SCHIP1: variants seen among roughly 807,000 people sequenced by gnomAD.
The protein encoded by SCHIP1 is schwannomin-interacting protein 1.
In SCHIP1, 8 loss-of-function variants were observed where a neutral mutation model predicts 29.7. That is an observed-to-expected ratio of 0.27 (90% confidence interval 0.16 to 0.49). SCHIP1 has a LOEUF of 0.49. Among genes scored for constraint, SCHIP1 ranks in the 20% least tolerant of loss-of-function variants. The pLI, the probability that SCHIP1 is intolerant of heterozygous loss-of-function variation, is 0.99. For synonymous variants in SCHIP1, 76 were observed against 94.9 expected, an observed-to-expected ratio of 0.80 and a Z score of 1.16; for missense variants, 193 against 294.6, an observed-to-expected ratio of 0.66 and a Z score of 2.52.
chr3:159,738,416 T>A, the SCHIP1 span, among the ~76,000 whole-genome samples: 1 of 152,216 alleles, frequency 6.6e-6, no homozygotes, highest in African/African-American at 2.4e-5. Context: ...ATTGAAATAA[T>A]CCAGCATGAC....
At chr3:159,828,370 TATATAC>T in the SCHIP1 span, among the ~76,000 whole-genome samples, 4 of 108,348 alleles carry the variant, frequency 3.7e-5, no homozygotes, top group South Asian at 3.0e-4. Context: ...TTTATATATA[TATATAC>T]ATATATATAT....
At chr3:159,482,228 T>C in the SCHIP1 span, among the ~76,000 whole-genome samples, 1 of 152,186 alleles carries the variant, frequency 6.6e-6, no homozygotes, top group Non-Finnish European at 1.5e-5. Flanking sequence ...CAATGCTAAG[T>C]GTGCTTCTCC....
the SCHIP1 span, among the ~76,000 whole-genome samples, chr3:159,783,237 A>T: frequency 6.6e-6 from 1 of 152,228 alleles, no homozygotes; most frequent in African/African-American, 2.4e-5. Context: ...AACATCCAAG[A>T]TAAGTGATTC....
chr3:159,563,935 T>C, the SCHIP1 span, among the ~76,000 whole-genome samples: 1 of 152,208 alleles, frequency 6.6e-6, no homozygotes, highest in African/African-American at 2.4e-5. Flanking sequence ...TTTATGTATC[T>C]TCAATGGATT....
chr3:159,275,380 A>G, the SCHIP1 span, among the ~76,000 whole-genome samples: 1 of 152,168 alleles, frequency 6.6e-6, no homozygotes, highest in Non-Finnish European at 1.5e-5. Flanking sequence ...GCAGCCCCTG[A>G]TGAACTTTGA....
At chr3:159,343,965 T>A in the SCHIP1 span, among the ~76,000 whole-genome samples, 3 of 152,196 alleles carry the variant, frequency 2.0e-5, no homozygotes, top group Non-Finnish European at 4.4e-5. Flanking sequence ...TTTGGAGGAA[T>A]AACTCTAATA....
At chr3:159,507,734 T>A in the SCHIP1 span, among the ~76,000 whole-genome samples, 1 of 152,346 alleles carries the variant, frequency 6.6e-6, no homozygotes, top group East Asian at 1.9e-4. Context: ...TCATGTGGTT[T>A]TTGTCATTGG....
At chr3:159,508,954 G>A in the SCHIP1 span, among the ~76,000 whole-genome samples, 3 of 152,312 alleles carry the variant, frequency 2.0e-5, no homozygotes, top group Admixed American at 1.3e-4. Context: ...GTTGATTTGG[G>A]GTGGAGAGTT....
chr3:159,332,409 C>T, the SCHIP1 span, among the ~76,000 whole-genome samples: 1 of 152,168 alleles, frequency 6.6e-6, no homozygotes. Context: ...ATCCGTCTCC[C>T]AAGTCCATAT....
At chr3:159,661,297 A>G in the SCHIP1 span, among the ~76,000 whole-genome samples, 1 of 152,202 alleles carries the variant, frequency 6.6e-6, no homozygotes, top group African/African-American at 2.4e-5. Flanking sequence ...ATAATGTTTT[A>G]GAGGCATTTT....
the SCHIP1 span, among the ~76,000 whole-genome samples, chr3:159,478,142 C>T: frequency 1.3e-5 from 2 of 151,946 alleles, no homozygotes; most frequent in African/African-American, 2.4e-5. Flanking sequence ...AGGATGGTCT[C>T]GAAATCCTGA....
the SCHIP1 span, among the ~76,000 whole-genome samples, chr3:159,545,734 AT>A: frequency 2.0e-5 from 3 of 148,346 alleles, no homozygotes; most frequent in Non-Finnish European, 4.5e-5. Flanking sequence ...TATTATATAT[AT>A]ATGTATATAT....
At chr3:159,360,669 A>G in the SCHIP1 span, among the ~76,000 whole-genome samples, 6 of 152,198 alleles carry the variant, frequency 3.9e-5, no homozygotes, top group African/African-American at 1.4e-4. Context: ...GGCCAACCAT[A>G]TGCTTTCTGT....
At chr3:159,627,364 C>A in the SCHIP1 span, among the ~76,000 whole-genome samples, 1 of 152,188 alleles carries the variant, frequency 6.6e-6, no homozygotes, top group Admixed American at 6.5e-5. Context: ...ACAGGAATGG[C>A]CCCAGGCAGA....
chr3:159,471,268 A>G, the SCHIP1 span, among the ~76,000 whole-genome samples: 1 of 152,174 alleles, frequency 6.6e-6, no homozygotes, highest in African/African-American at 2.4e-5. Flanking sequence ...ACAAGAGGAT[A>G]AACAGATCAC....
the SCHIP1 span, among the ~76,000 whole-genome samples, chr3:159,831,063 G>C: frequency 1.3e-5 from 2 of 152,216 alleles, no homozygotes; most frequent in Admixed American, 1.3e-4. Flanking sequence ...CTTTGTAAGA[G>C]ACAGAGCCAA....
the SCHIP1 span, chr3:159,764,914 C>A: frequency 6.6e-7 from 1 of 1,525,684 alleles, no homozygotes. This position sits in a 1 kb window ranked among gnomAD's most constrained non-coding sequence, Gnocchi z 6.1. Flanking sequence ...CCGGGGCCCC[C>A]GCCGGGCGAT....
At chr3:159,677,759 G>C in the SCHIP1 span, among the ~76,000 whole-genome samples, 6 of 152,248 alleles carry the variant, frequency 3.9e-5, no homozygotes, top group South Asian at 1.0e-3. Flanking sequence ...AAGACCAGCT[G>C]AGCTGCCTCT....
At chr3:159,698,773 G>A in the SCHIP1 span, among the ~76,000 whole-genome samples, 3 of 151,986 alleles carry the variant, frequency 2.0e-5, no homozygotes, top group Admixed American at 6.6e-5. Flanking sequence ...CGAGTAGCTG[G>A]GATTACAGGC....
Sources: gnomAD v4.1 joint callset for allele counts (sites outside exome capture counted in the v4.1 genomes callset) on GRCh38, gnomAD v4.1.1 for gene constraint, Gnocchi (gnomAD v3.1) non-coding constraint, MANE v1.5 for transcripts, NCBI Gene and HGNC (gene_info 2026-07-23, HGNC 2026-07-21) for gene names.